CACNA2D1: variants seen among roughly 807,000 people sequenced by gnomAD.
CACNA2D1 encodes calcium voltage-gated channel auxiliary subunit alpha2delta 1.
CACNA2D1 carries 53 observed loss-of-function variants against 171.5 expected under a neutral mutation model. The ratio of observed to expected loss-of-function variants is 0.31; its 90% CI spans 0.25 to 0.39. CACNA2D1 has a LOEUF of 0.39. Ranked by LOEUF, CACNA2D1 falls within the 10% of genes least tolerant of loss-of-function variation. The pLI is 1.00. For synonymous variants in CACNA2D1, 442 were observed against 443.1 expected (o/e 1.00, Z 0.03); for missense variants, 903 against 1,299.8 (o/e 0.69, Z 4.69).
At chr7:82,191,684 A>G (rs975510491) in intron 3 of CACNA2D1, among the ~76,000 whole-genome samples, 3 of 151,878 alleles carry the variant, frequency 2.0e-5, no homozygotes, top group Non-Finnish European at 4.4e-5. Flanking sequence ...ACATGAATAA[A>G]TAATTTCCTT....
chr7:82,381,836 G>T (rs1390384056), intron 1 of CACNA2D1, among the ~76,000 whole-genome samples: 1 of 151,996 alleles, frequency 6.6e-6, no homozygotes, highest in Non-Finnish European at 1.5e-5. Context: ...AACATCCATG[G>T]TCTACATATT....
intron 10 of CACNA2D1, chr7:82,050,663 T>A: frequency 1.4e-6 from 1 of 702,398 alleles, no homozygotes; most frequent in Non-Finnish European, 2.6e-6. Context: ...AATTGGCTGT[T>A]AATGCTTAGA....
chr7:82,137,869 AT>A (rs766970376), intron 4 of CACNA2D1, among the ~76,000 whole-genome samples: 35 of 150,070 alleles, frequency 2.3e-4, no homozygotes, highest in Non-Finnish European at 4.3e-4. Flanking sequence ...CAAAAAAAAA[AT>A]TTATTAAAAG....
chr7:82,070,359 T>C (rs1288766800), intron 7 of CACNA2D1, among the ~76,000 whole-genome samples: 3 of 152,210 alleles, frequency 2.0e-5, no homozygotes, highest in Admixed American at 1.3e-4. Flanking sequence ...ATGTTACCCA[T>C]GGTGGCACAA....
chr7:82,208,258 A>T (rs1329932107), intron 3 of CACNA2D1, among the ~76,000 whole-genome samples: 1 of 152,170 alleles, frequency 6.6e-6, no homozygotes, highest in Admixed American at 6.5e-5. Context: ...ATGTATGTAA[A>T]TAATATACAT....
At chr7:82,005,334 A>C (rs915275061) in intron 18 of CACNA2D1, 89 bp downstream of exon 18, 13 of 817,712 alleles carry the variant, frequency 1.6e-5, no homozygotes, top group Middle Eastern at 2.6e-4. Flanking sequence ...TTAGTGTTAT[A>C]CGGTAAATTT....
intron 3 of CACNA2D1, among the ~76,000 whole-genome samples, chr7:82,256,463 T>A (rs1806319956): frequency 6.6e-6 from 1 of 152,190 alleles, no homozygotes; most frequent in Non-Finnish European, 1.5e-5. Context: ...TAATACTTTT[T>A]TCTAAAAATC....
intron 5 of CACNA2D1, among the ~76,000 whole-genome samples, chr7:82,125,947 T>C (rs536119895): frequency 3.3e-5 from 5 of 152,316 alleles, no homozygotes; most frequent in Admixed American, 2.0e-4. Flanking sequence ...CACGCTCCAT[T>C]TGATGCTAAG....
chr7:82,271,481 A>T (rs1163472124), intron 3 of CACNA2D1, among the ~76,000 whole-genome samples: 1 of 152,114 alleles, frequency 6.6e-6, no homozygotes, highest in African/African-American at 2.4e-5. Context: ...CCACAAATGA[A>T]CCCATTATCA....
intron 3 of CACNA2D1, among the ~76,000 whole-genome samples, chr7:82,302,876 T>C (rs1235016277): frequency 6.6e-6 from 1 of 152,230 alleles, no homozygotes; most frequent in Non-Finnish European, 1.5e-5. Flanking sequence ...AATCCTAGAA[T>C]GTCTAAAAGA....
At chr7:82,361,064 T>C (rs1821026610) in intron 1 of CACNA2D1, among the ~76,000 whole-genome samples, 1 of 152,228 alleles carries the variant, frequency 6.6e-6, no homozygotes. Context: ...AGAAAATATA[T>C]TGCAATTTAA....
At chr7:82,401,457 C>G (rs1826399490) in intron 1 of CACNA2D1, among the ~76,000 whole-genome samples, 1 of 148,472 alleles carries the variant, frequency 6.7e-6, no homozygotes, top group South Asian at 2.2e-4. Flanking sequence ...ATCGCAAGAA[C>G]AAAAAACCAA....
At chr7:82,255,425 G>C (rs747275584) in intron 3 of CACNA2D1, among the ~76,000 whole-genome samples, 4 of 152,142 alleles carry the variant, frequency 2.6e-5, no homozygotes, top group South Asian at 2.1e-4. Flanking sequence ...CCAAAGGTGA[G>C]CACTTTATAA....
chr7:82,290,465 T>A (rs1214817554), intron 3 of CACNA2D1, among the ~76,000 whole-genome samples: 1 of 151,908 alleles, frequency 6.6e-6, no homozygotes, highest in African/African-American at 2.4e-5. Context: ...AAGAAAGCAA[T>A]ATAAATTCAT....
intron 38 of CACNA2D1, among the ~76,000 whole-genome samples, chr7:81,955,710 T>G (rs1332346585): frequency 6.6e-6 from 1 of 151,970 alleles, no homozygotes; most frequent in African/African-American, 2.4e-5. Flanking sequence ...AGCTAACATT[T>G]ATTAATCAAA....
Position 82,443,433 on chromosome 7 carries a change from C to G in CACNA2D1, c.27G>C (p.Leu9Phe). The G allele has an allele frequency of 1.2e-6, 2 of 1,607,986 alleles. No homozygotes were observed. Among genetic ancestry groups the G allele is most frequent in the Non-Finnish European group, 1.7e-6 (2 of 1,176,834 alleles). The change falls in exon 1 of 39, where the codon TTG (leucine) becomes TTC (phenylalanine). Residue 9 changes from leucine to phenylalanine, a missense_variant. Transcript: ENST00000356860. ...GCAAAGATTGGAAAAGTGTCAGAGT[C>G]AAGGCCAGCAGGCAGCCAGCAGCCA... is the stretch of plus-strand genomic sequence containing the variant. Reference protein sequence around the residue: MAAGCLLALTLTLFQSLLI... With the variant: MAAGCLLAFTLTLFQSLLI...
At chr7:82,271,674 A>C (rs2129351354) in intron 3 of CACNA2D1, among the ~76,000 whole-genome samples, 1 of 152,256 alleles carries the variant, frequency 6.6e-6, no homozygotes, top group Admixed American at 6.5e-5. Flanking sequence ...AAGTTGAGAA[A>C]AAATAAGCTT....
At chr7:82,105,820 G>A (rs1176411888) in intron 6 of CACNA2D1, among the ~76,000 whole-genome samples, 2 of 152,140 alleles carry the variant, frequency 1.3e-5, no homozygotes, top group Admixed American at 6.5e-5. Context: ...TGGCCCCAGT[G>A]TCCATGACGC....
intron 30 of CACNA2D1, 73 bp downstream of exon 30, chr7:81,967,523 G>T (rs1562792448): frequency 5.0e-6 from 4 of 801,356 alleles, no homozygotes; most frequent in Non-Finnish European, 8.5e-6. Flanking sequence ...CACTGTATAA[G>T]GACCTTATAT....
Sources: gnomAD v4.1 joint callset for allele counts (sites outside exome capture counted in the v4.1 genomes callset) on GRCh38, gnomAD v4.1.1 for gene constraint, MANE v1.5 for transcripts, NCBI Gene and HGNC (gene_info 2026-07-23, HGNC 2026-07-21) for gene names.